IGF2BP2: variants seen among roughly 807,000 people sequenced by gnomAD.
The protein encoded by IGF2BP2 is insulin-like growth factor 2 mRNA-binding protein 2.
In IGF2BP2, 17 loss-of-function variants were observed where a neutral mutation model predicts 75.8. The ratio of observed to expected loss-of-function variants is 0.22; its 90% CI spans 0.15 to 0.34. IGF2BP2 has a LOEUF of 0.34. Among genes scored for constraint, IGF2BP2 ranks in the 10% least tolerant of loss-of-function variants. IGF2BP2 has a pLI of 1.00. For missense variants in IGF2BP2, 516 were observed against 772.4 expected, an observed-to-expected ratio of 0.67 and a Z score of 3.93; for synonymous variants, 288 against 295.6, an observed-to-expected ratio of 0.97 and a Z score of 0.26.
intron 10 of IGF2BP2, among the ~76,000 whole-genome samples, chr3:185,660,835 C>A (rs1217998429): frequency 6.6e-6 from 1 of 152,146 alleles, no homozygotes; most frequent in Non-Finnish European, 1.5e-5. Flanking sequence ...GCACTTCAGC[C>A]CTCCTCCCGC....
intron 2 of IGF2BP2, among the ~76,000 whole-genome samples, chr3:185,735,469 C>T: frequency 6.6e-6 from 1 of 152,176 alleles, no homozygotes; most frequent in East Asian, 1.9e-4. Flanking sequence ...TCTATGTGCA[C>T]AGCAATTATG....
At chr3:185,718,322 G>A (rs1249932376) in intron 2 of IGF2BP2, among the ~76,000 whole-genome samples, 1 of 152,226 alleles carries the variant, frequency 6.6e-6, no homozygotes, top group Non-Finnish European at 1.5e-5. Flanking sequence ...GGGGCAGATA[G>A]TGAAGCTGAG....
At chr3:185,733,613 G>C (rs1178293608) in intron 2 of IGF2BP2, among the ~76,000 whole-genome samples, 2 of 152,114 alleles carry the variant, frequency 1.3e-5, no homozygotes, top group Admixed American at 6.5e-5. Context: ...AAAACTAGCT[G>C]GGTGTGGTGG....
At chr3:185,719,575 C>T (rs567312611) in intron 2 of IGF2BP2, among the ~76,000 whole-genome samples, 2 of 152,176 alleles carry the variant, frequency 1.3e-5, no homozygotes, top group South Asian at 2.1e-4. Context: ...GGCTCACGCC[C>T]GTAATCCCAG....
chr3:185,733,635 A>T (rs1203650397), intron 2 of IGF2BP2, among the ~76,000 whole-genome samples: 1 of 152,148 alleles, frequency 6.6e-6, no homozygotes, highest in Non-Finnish European at 1.5e-5. Flanking sequence ...GCATGCCTGT[A>T]ATCCCAGCTA....
chr3:185,651,078 T>C (rs1033482770), intron 13 of IGF2BP2, among the ~76,000 whole-genome samples: 1 of 152,082 alleles, frequency 6.6e-6, no homozygotes, highest in African/African-American at 2.4e-5. Flanking sequence ...CCAGCTACTT[T>C]AAAATTTTTT....
chr3:185,697,580 G>A (rs1722755234), intron 3 of IGF2BP2, among the ~76,000 whole-genome samples: 1 of 152,056 alleles, frequency 6.6e-6, no homozygotes, highest in African/African-American at 2.4e-5. Context: ...AATCTTATAA[G>A]CTTTACAACT....
intron 15 of IGF2BP2, 108 bp downstream of exon 15, chr3:185,646,917 G>T: frequency 2.5e-6 from 2 of 790,528 alleles, no homozygotes; most frequent in Non-Finnish European, 4.4e-6. Context: ...GTTCCATCTT[G>T]GCGTGGATTG....
chr3:185,706,338 G>T (rs1724015180), intron 2 of IGF2BP2, among the ~76,000 whole-genome samples: 1 of 152,190 alleles, frequency 6.6e-6, no homozygotes, highest in African/African-American at 2.4e-5. Flanking sequence ...GGAGGTCAAG[G>T]CTGCTGAAAG....
At chr3:185,660,401 T>A (rs984683310) in intron 10 of IGF2BP2, among the ~76,000 whole-genome samples, 3 of 152,160 alleles carry the variant, frequency 2.0e-5, no homozygotes, top group Non-Finnish European at 4.4e-5. Context: ...AGGTTAGGAT[T>A]TTGCCTTATG....
intron 2 of IGF2BP2, among the ~76,000 whole-genome samples, chr3:185,784,145 G>T (rs1006721997): frequency 1.3e-5 from 2 of 152,156 alleles, no homozygotes; most frequent in African/African-American, 4.8e-5. Context: ...TGAGGCAGAA[G>T]AATTGCTTGA....
intron 2 of IGF2BP2, among the ~76,000 whole-genome samples, chr3:185,790,722 C>T (rs1026767761): frequency 8.5e-5 from 13 of 152,130 alleles, no homozygotes; most frequent in African/African-American, 2.9e-4. Flanking sequence ...AATTAGTCAC[C>T]AGCCACAAGG....
At chr3:185,697,928 G>A (rs1722795096) in intron 3 of IGF2BP2, among the ~76,000 whole-genome samples, 1 of 152,110 alleles carries the variant, frequency 6.6e-6, no homozygotes, top group South Asian at 2.1e-4. Flanking sequence ...CGGCTGCAGT[G>A]AGCCATGATT....
At chr3:185,788,940 T>C (rs538888527) in intron 2 of IGF2BP2, among the ~76,000 whole-genome samples, 6 of 152,244 alleles carry the variant, frequency 3.9e-5, no homozygotes, top group African/African-American at 1.4e-4. Flanking sequence ...CTCAAACTCC[T>C]GACCTCAGGT....
chr3:185,711,411 G>C (rs1724776204), intron 2 of IGF2BP2, among the ~76,000 whole-genome samples: 1 of 152,116 alleles, frequency 6.6e-6, no homozygotes, highest in Non-Finnish European at 1.5e-5. Flanking sequence ...AACATCTCTG[G>C]TGCTTAAACA....
intron 2 of IGF2BP2, chr3:185,716,662 C>G (rs373573949): frequency 7.9e-5 from 41 of 519,996 alleles, no homozygotes; most frequent in Non-Finnish European, 1.5e-4. Flanking sequence ...CTTGGGCTCC[C>G]TGATCTGGTT....
chr3:185,824,817 C>G lies in IGF2BP2; in HGVS notation c.144G>C (p.Gln48His), dbSNP rs746285479. The G allele has an allele frequency of 2.0e-6, 3 of 1,506,392 alleles. No individual in the cohort carries two copies. Among genetic ancestry groups the G allele is most frequent in the Middle Eastern group, 1.8e-4 (1 of 5,482 alleles). 93.3% of individuals were successfully genotyped at this position (1,506,392 alleles called of 1,614,324 possible). ...SGYAFVDYPD[Q>H]NWAIRAIETL... ...TCTCGATGGCGCGGATGGCCCAGTT[C>G]TGGTCGGGGTAGTCCACGAAGGCGT... Residue 48 changes from glutamine to histidine, a missense_variant, in exon 1 of 16, where the codon CAG becomes CAC. Physicochemically the swap from Gln to His is conservative, Grantham distance 24 (BLOSUM62 0). Coordinates refer to ENST00000382199, the MANE Select transcript of IGF2BP2 (RefSeq NM_006548.6).
chr3:185,675,201 C>T, intron 9 of IGF2BP2, 95 bp downstream of exon 9: 2 of 1,287,310 alleles, frequency 1.6e-6, no homozygotes, highest in Admixed American at 5.1e-5. Context: ...AGGAAAAACT[C>T]TGCATACCTA....
intron 9 of IGF2BP2, among the ~76,000 whole-genome samples, chr3:185,673,849 G>C (rs1718888151): frequency 6.6e-6 from 1 of 152,214 alleles, no homozygotes; most frequent in Admixed American, 6.5e-5. Flanking sequence ...GGTAAGCTCA[G>C]GTGAAGATGT....
Sources: allele counts gnomAD v4.1 joint callset (sites outside exome capture counted in the v4.1 genomes callset), GRCh38; gene constraint gnomAD v4.1.1; transcripts MANE v1.5; gene names NCBI Gene and HGNC (gene_info 2026-07-23, HGNC 2026-07-21).